The following IPP variants were observed in gnomAD, a reference collection of about 807,000 sequenced individuals.
IPP encodes the protein intracisternal A particle-promoted polypeptide, also known as actin-binding protein IPP.
In IPP, 41 loss-of-function variants were observed where a neutral mutation model predicts 64.1. The observed-to-expected ratio is 0.64, with a 90% CI of 0.50 to 0.83. IPP has a LOEUF of 0.83. Among genes scored for constraint, IPP ranks in the 40% least tolerant of loss-of-function variants. The pLI, the probability that IPP is intolerant of heterozygous loss-of-function variation, is 0.00. For synonymous variants in IPP, 214 were observed against 235.2 expected (o/e 0.91, Z 0.83); for missense variants, 649 against 703.0 (o/e 0.92, Z 0.87).
chr1:45,712,309 A>AC (rs1645601177), intron 8 of IPP, among the ~76,000 whole-genome samples: 1 of 151,808 alleles, frequency 6.6e-6, no homozygotes, highest in South Asian at 2.1e-4. Flanking sequence ...AAAAAAAAAA[A>AC]AAAAAGCAAC....
chr1:45,742,768 G>A (rs1314479779), intron 2 of IPP, among the ~76,000 whole-genome samples: 1 of 151,810 alleles, frequency 6.6e-6, no homozygotes, highest in Non-Finnish European at 1.5e-5. Context: ...AAACTCCTGG[G>A]CTCAAGCAAT....
downstream of IPP, among the ~76,000 whole-genome samples, chr1:45,695,742 T>G (rs767816772): frequency 3.3e-4 from 50 of 152,228 alleles, no homozygotes; most frequent in Admixed American, 1.3e-3. Context: ...CTATCTCGGC[T>G]CACCGCAACC....
chr1:45,745,410 T>G (rs1646120761), intron 2 of IPP, among the ~76,000 whole-genome samples: 1 of 152,178 alleles, frequency 6.6e-6, no homozygotes, highest in Non-Finnish European at 1.5e-5. Flanking sequence ...TATCCTGATT[T>G]TTAAAATTTT....
At chr1:45,743,496 T>A (rs998926066) in intron 2 of IPP, among the ~76,000 whole-genome samples, 1 of 151,994 alleles carries the variant, frequency 6.6e-6, no homozygotes, top group Non-Finnish European at 1.5e-5. Context: ...GGAGGATTGC[T>A]TGAGCCTAGG....
At chr1:45,731,195 C>T (rs923693131) in intron 3 of IPP, among the ~76,000 whole-genome samples, 2 of 152,216 alleles carry the variant, frequency 1.3e-5, no homozygotes, top group African/African-American at 4.8e-5. Context: ...AATCCCAGCA[C>T]TTTGGGAGGC....
Position 45,729,782 on chromosome 1 carries a change from T to G in IPP, c.725-13A>C. ...AAATCGGATACTCCTAAAACAATATTTAAAAAGACAATGTTTTAAACAATT... is the reference window on the plus strand; with the variant it reads ...AAATCGGATACTCCTAAAACAATATGTAAAAAGACAATGTTTTAAACAATT... On this transcript the variant is annotated splice_polypyrimidine_tract_variant and intron_variant, in intron 3 of 8. Transcript: ENST00000396478. 6.8e-7 allele frequency: 1 copy of G among 1,468,274 alleles called. No homozygotes were observed. Among genetic ancestry groups the G allele is most frequent in the Non-Finnish European group, 9.2e-7 (1 of 1,082,814 alleles). The allele number at this position is 1,468,274 out of a possible 1,614,324, so 91.0% of individuals were successfully genotyped here.
Position 45,698,998 on chromosome 1 carries a change from A to T in IPP, c.*968T>A, listed in dbSNP as rs1051725766. ...CACCTCGGCCTCTCAAAGTGCTGGG[A>T]TTACAGGTGTGAGCCACCATGCCCA... is the stretch of plus-strand genomic sequence containing the variant. On this transcript the variant is annotated 3_prime_UTR_variant, in exon 9 of 9. Coordinates refer to ENST00000396478, the MANE Select transcript of IPP (RefSeq NM_005897.3). 4.8e-5 allele frequency: 47 copies of T among 973,082 alleles called. No individual in the cohort carries two copies. Among genetic ancestry groups the T allele is most frequent in the Non-Finnish European group, 5.6e-5 (46 of 818,870 alleles). The allele number at this position is 973,082 out of a possible 1,614,324, so 60.3% of individuals were successfully genotyped here.
At position 45,699,169 on chromosome 1, in the gene IPP, T is replaced by C. The variant is rs531564090; in HGVS notation, c.*797A>G. The C allele has an allele frequency of 9.5e-5, 94 of 985,382 alleles. No homozygotes were observed. The highest frequency in any genetic ancestry group is 9.1e-4 in the African/African-American group (52 of 57,356). 61.0% of individuals were successfully genotyped at this position (985,382 alleles called of 1,614,324 possible). A position where few individuals can be genotyped will look rare whatever the true frequency, so the allele number is the denominator to read the frequency against. The stretch of plus-strand genomic sequence containing the variant: ...AAAAATATGAGCAAGCAAAAACTTA[T>C]CATCAAGCAAAAAGGTATCTATCTA... On this transcript the variant is annotated 3_prime_UTR_variant, in exon 9 of 9. Transcript: ENST00000396478.
At chr1:45,731,704 G>T (rs1189205989) in intron 3 of IPP, among the ~76,000 whole-genome samples, 1 of 151,948 alleles carries the variant, frequency 6.6e-6, no homozygotes, top group Admixed American at 6.6e-5. Flanking sequence ...GGGAGGCCGA[G>T]GGGGGTGAAT....
chr1:45,712,884 T>A (rs1181370141), intron 8 of IPP, among the ~76,000 whole-genome samples: 10 of 145,346 alleles, frequency 6.9e-5, no homozygotes, highest in African/African-American at 2.3e-4. Flanking sequence ...AAAAAATATA[T>A]ATATATATAC....
intron 8 of IPP, among the ~76,000 whole-genome samples, chr1:45,701,594 G>A (rs1397363981): frequency 4.6e-5 from 7 of 152,160 alleles, no homozygotes; most frequent in Non-Finnish European, 8.8e-5. Context: ...GCGACTAGTA[G>A]TGTCTTACTT....
downstream of IPP, chr1:45,696,882 T>C (rs1645392618): frequency 6.6e-6 from 1 of 152,254 alleles, no homozygotes; most frequent in Admixed American, 6.5e-5. Context: ...GTTAAAACAC[T>C]GACTGCCTTG....
chr1:45,728,549 C>T (rs189530612), intron 4 of IPP, among the ~76,000 whole-genome samples: 154 of 151,762 alleles, frequency 1.0e-3, no homozygotes, highest in Non-Finnish European at 2.0e-3. Context: ...GGCTGGAGTG[C>T]AGTGGTACAA....
rs761106890 is a variant in IPP at position 45,741,136 on chromosome 1, A to G, written c.489T>C (p.His163=). 19 of 1,614,178 alleles carry G rather than the reference A, an allele frequency of 1.2e-5. No homozygotes were observed. The East Asian group carries it at 3.8e-4, about 32-fold the overall frequency. ...CACTATGAACCTCCAAGAAATGGAC[A>G]TGAATGTAGTTTTCTGAGAATTCCA... is the stretch of plus-strand genomic sequence containing the variant. ...DLLEFSENYI[H]VHFLEVHSGE... Residue 163 remains histidine (H), a synonymous_variant, in exon 3 of 9, where the codon CAT becomes CAC. Coordinates refer to ENST00000396478, the MANE Select transcript of IPP (RefSeq NM_005897.3).
At chr1:45,726,357 C>T (rs1302492689) in intron 5 of IPP, among the ~76,000 whole-genome samples, 1 of 151,982 alleles carries the variant, frequency 6.6e-6, no homozygotes, top group East Asian at 1.9e-4. Context: ...ACAGAGGAGG[C>T]TGAGGCAGGA....
At chr1:45,742,458 A>C (rs981807460) in intron 2 of IPP, among the ~76,000 whole-genome samples, 2 of 152,244 alleles carry the variant, frequency 1.3e-5, no homozygotes, top group Non-Finnish European at 2.9e-5. Flanking sequence ...TGTAACAGAC[A>C]TTTACTGAGG....
chr1:45,749,518 G>GT (rs1233626706), intron 1 of IPP, among the ~76,000 whole-genome samples: 16 of 123,712 alleles, frequency 1.3e-4, no homozygotes, highest in African/African-American at 3.6e-4. Context: ...TTTTGTTTTT[G>GT]TTTTTTGTTT....
Position 45,714,552 on chromosome 1 carries a change from A to C in IPP, c.1310-86T>G, listed in dbSNP as rs367794190. 1.5e-5 allele frequency: 12 copies of C among 800,668 alleles called. No homozygotes were observed. In the South Asian group the frequency reaches 1.7e-4, roughly 11 times the overall value. The allele number at this position is 800,668 out of a possible 1,614,324, so 49.6% of individuals were successfully genotyped here. On this transcript the variant is annotated intron_variant, in intron 7 of 8. Coordinates refer to ENST00000396478, the MANE Select transcript of IPP (RefSeq NM_005897.3). ...AGTAATGATTGTGATCTATGTTTCC[A>C]ATGCCGATGCTATGTTTAATCTAGG...
downstream of IPP, among the ~76,000 whole-genome samples, chr1:45,695,761 C>G (rs1275470371): frequency 6.6e-6 from 1 of 152,052 alleles, no homozygotes; most frequent in Non-Finnish European, 1.5e-5. Flanking sequence ...CCTCCGCCTC[C>G]CGTGTTGAAG....
Sources: gnomAD v4.1 joint callset for allele counts (sites outside exome capture counted in the v4.1 genomes callset) on GRCh38, gnomAD v4.1.1 for gene constraint, MANE v1.5 for transcripts, NCBI Gene and HGNC (gene_info 2026-07-23, HGNC 2026-07-21) for gene names.